Variants in GPX7 observed in about 807,000 individuals in gnomAD.
GPX7 encodes glutathione peroxidase 7, also known as protein peroxidase GPX7.
In GPX7, 21 loss-of-function variants were observed where a neutral mutation model predicts 23.7. The ratio of observed to expected loss-of-function variants is 0.89; its 90% CI spans 0.63 to 1.28. The LOEUF (loss-of-function observed/expected upper bound fraction) is 1.28. Among genes scored for constraint, GPX7 ranks in the 50% most tolerant of loss-of-function variants. The pLI is 0.00. For missense variants in GPX7, 238 were observed against 237.3 expected (o/e 1.00, Z -0.02); for synonymous variants, 112 against 101.8 (o/e 1.10, Z -0.61).
chr1:52,608,009 AC>A (rs1690873429), intron 2 of GPX7, among the ~76,000 whole-genome samples: 1 of 152,152 alleles, frequency 6.6e-6, no homozygotes, highest in Admixed American at 6.5e-5. Flanking sequence ...AGGATTTGAT[AC>A]CACTTTATCA....
intron 1 of GPX7, among the ~76,000 whole-genome samples, chr1:52,603,463 C>T (rs942424235): frequency 2.6e-5 from 4 of 152,044 alleles, no homozygotes; most frequent in African/African-American, 4.8e-5. Context: ...AGGGAGCAGG[C>T]GGGACCTTGA....
At chr1:52,606,226 G>A (rs1016520408) in intron 1 of GPX7, among the ~76,000 whole-genome samples, 7 of 152,148 alleles carry the variant, frequency 4.6e-5, no homozygotes, top group South Asian at 4.1e-4. Context: ...GCAGAGTGGC[G>A]AGTGCTAGCT....
At position 52,606,915 on chromosome 1, in the gene GPX7, G is replaced by T; in HGVS notation, c.370G>T (p.Gly124Cys). 6.2e-7 allele frequency: 1 copy of T among 1,614,204 alleles called. No homozygotes were observed. The highest frequency in any genetic ancestry group is 8.5e-7 in the Non-Finnish European group (1 of 1,180,022). Residue 124 changes from glycine to cysteine, a missense_variant, in exon 2 of 3, where the codon GGT becomes TGT. Transcript: ENST00000361314. ...TAGCAAGATTGCAGTCACCGGTACT[G>T]GTGCCCATCCTGCCTTCAAGTACCT... ...MFSKIAVTGTGAHPAFKYLAQ... is the reference protein window; with the variant it reads ...MFSKIAVTGTCAHPAFKYLAQ...
Position 52,608,619 on chromosome 1 carries a change from A to C in GPX7, c.*194A>C. 1 of 390,048 alleles carries C rather than the reference A, an allele frequency of 2.6e-6. No individual in the cohort carries two copies. 24.2% of individuals were successfully genotyped at this position (390,048 alleles called of 1,614,324 possible). A position where few individuals can be genotyped will look rare whatever the true frequency, so the allele number is the denominator to read the frequency against. ...TTGAATCTTACAGCAACAAATAGGA[A>C]CTCCTGGCCAATGAGAGCTCTTGAC... On this transcript the variant is annotated 3_prime_UTR_variant, in exon 3 of 3. Transcript: ENST00000361314.
intron 1 of GPX7, among the ~76,000 whole-genome samples, chr1:52,604,782 C>T (rs957224864): frequency 9.9e-5 from 15 of 152,126 alleles, no homozygotes; most frequent in African/African-American, 2.7e-4. Flanking sequence ...CAGTGGCTCA[C>T]GCCTGTAATC....
intron 1 of GPX7, among the ~76,000 whole-genome samples, chr1:52,603,259 A>G (rs1321919781): frequency 6.6e-6 from 1 of 151,670 alleles, no homozygotes; most frequent in African/African-American, 2.4e-5. Context: ...AGGGAATCTA[A>G]GCTCAGAGAA....
chr1:52,602,485 T>C lies in GPX7; in HGVS notation c.76T>C (p.Tyr26His). The change falls in exon 1 of 3, where the codon TAC (tyrosine) becomes CAC (histidine). Residue 26 changes from tyrosine to histidine, a missense_variant. Physicochemically the swap from Tyr to His is moderately conservative, Grantham distance 83. Coordinates refer to ENST00000361314, the MANE Select transcript of GPX7 (RefSeq NM_015696.5). The part of the protein sequence containing the change: ...AACAQQEQDF[Y>H]DFKAVNIRGK... Reference sequence around the variant, plus strand: ...CTGCGCGCAGCAGGAGCAGGACTTCTACGACTTCAAGGCGGTCAACATCCG... The same window carrying C: ...CTGCGCGCAGCAGGAGCAGGACTTCCACGACTTCAAGGCGGTCAACATCCG... 1 of 1,559,236 alleles carries C rather than the reference T, an allele frequency of 6.4e-7. No individual in the cohort carries two copies. The highest frequency in any genetic ancestry group is 8.6e-7 in the Non-Finnish European group (1 of 1,157,218).
In GPX7 at chr1:52,602,434, G is replaced by A. The variant is rs1690808543; in HGVS notation, c.25G>A (p.Ala9Thr). ...CATGGTGGCGGCGACGGTGGCAGCG[G>A]CGTGGCTGCTCCTGTGGGCTGCGGC... The part of the protein sequence containing the change: MVAATVAA[A>T]WLLLWAAACA... The change falls in exon 1 of 3, where the codon GCG (alanine) becomes ACG (threonine). Residue 9 changes from alanine to threonine, a missense_variant. Coordinates refer to ENST00000361314, the MANE Select transcript of GPX7 (RefSeq NM_015696.5). 6.6e-7 allele frequency: 1 copy of A among 1,523,088 alleles called. No homozygotes were observed. The highest frequency in any genetic ancestry group is 8.8e-7 in the Non-Finnish European group (1 of 1,139,078). 94.3% of individuals were successfully genotyped at this position (1,523,088 alleles called of 1,614,324 possible).
At chr1:52,605,952 A>G (rs1690848557) in intron 1 of GPX7, among the ~76,000 whole-genome samples, 1 of 152,194 alleles carries the variant, frequency 6.6e-6, no homozygotes, top group African/African-American at 2.4e-5. Context: ...TGATTATGCC[A>G]TTGCTCCAGC....
chr1:52,606,546 G>A, intron 1 of GPX7, 138 bp from the exon 2 acceptor site: 3 of 889,912 alleles, frequency 3.4e-6, no homozygotes, highest in East Asian at 2.6e-5. Flanking sequence ...TTACATATGT[G>A]TACACAGTGT....
intron 2 of GPX7, 70 bp from the exon 3 acceptor site, chr1:52,608,192 A>T: frequency 1.4e-6 from 2 of 1,414,312 alleles, no homozygotes; most frequent in East Asian, 2.3e-5. Flanking sequence ...GGAAAGATGG[A>T]CACTGAGAGT....
rs763386302 is a variant in GPX7 at position 52,608,452 on chromosome 1, C to G, written c.*27C>G. 1.3e-6 allele frequency: 2 copies of G among 1,576,624 alleles called. No homozygotes were observed. Among genetic ancestry groups the G allele is most frequent in the Non-Finnish European group, 1.7e-6 (2 of 1,161,972 alleles). On this transcript the variant is annotated 3_prime_UTR_variant, in exon 3 of 3. Coordinates refer to ENST00000361314, the MANE Select transcript of GPX7 (RefSeq NM_015696.5). Reference sequence around the variant, plus strand: ...CACCGCGTCTCCTCCTCCACCACCTCATCCCGCCCACCTGTGTGGGGCTGA... The same window carrying G: ...CACCGCGTCTCCTCCTCCACCACCTGATCCCGCCCACCTGTGTGGGGCTGA...
chr1:52,603,199 C>G (rs569358930), intron 1 of GPX7, among the ~76,000 whole-genome samples: 249 of 152,274 alleles, frequency 1.6e-3, no homozygotes, highest in Non-Finnish European at 2.8e-3. Flanking sequence ...GATGGCAGCT[C>G]AGGGGCACAC....
In GPX7 at chr1:52,602,719, C is replaced by A. The variant is rs1159572942; in HGVS notation, c.138+172C>A. On this transcript the variant is annotated intron_variant, in intron 1 of 2. Coordinates refer to ENST00000361314, the MANE Select transcript of GPX7 (RefSeq NM_015696.5). ...CTCGGCCGTGACCTCTGGCGCGGCG[C>A]CCCCATCCCGCGCCCGGCCCGGCCC... Among the ~76,000 whole-genome samples the A allele has an allele frequency of 3.3e-5, 5 of 150,976 alleles. No individual in the cohort carries two copies. In the South Asian group the frequency reaches 1.0e-3, roughly 31 times the overall value.
At position 52,608,960 on chromosome 1, in the gene GPX7, T is replaced by A. The variant is rs1478075989; in HGVS notation, c.*535T>A. The A allele has an allele frequency of 6.6e-6, 1 of 152,650 alleles. No homozygotes were observed. The highest frequency in any genetic ancestry group is 2.4e-5 in the African/African-American group (1 of 41,470). 9.5% of individuals were successfully genotyped at this position (152,650 alleles called of 1,614,324 possible). A position where few individuals can be genotyped will look rare whatever the true frequency, so the allele number is the denominator to read the frequency against. ...TTTAGTTGTTGTTATTTCCTCTGTA[T>A]TATTTTCTTCATTACAAAAGAAATG... On this transcript the variant is annotated 3_prime_UTR_variant, in exon 3 of 3. Transcript: ENST00000361314.
At chr1:52,606,976 C>A in intron 2 of GPX7, 31 bp downstream of exon 2, 1 of 1,604,006 alleles carries the variant, frequency 6.2e-7, no homozygotes, top group South Asian at 1.1e-5. Flanking sequence ...CCCCTCACAC[C>A]TCCCTTAGCT....
At chr1:52,602,730 CGCCCG>C (rs949594947) in intron 1 of GPX7, among the ~76,000 whole-genome samples, 183 bp downstream of exon 1, 2 of 151,140 alleles carry the variant, frequency 1.3e-5, no homozygotes, top group South Asian at 2.1e-4. Context: ...CCCCATCCCG[CGCCCG>C]GCCCGGCCCG....
intron 1 of GPX7, among the ~76,000 whole-genome samples, chr1:52,604,849 C>T (rs981257182): frequency 1.3e-5 from 2 of 151,928 alleles, no homozygotes; most frequent in African/African-American, 4.8e-5. Flanking sequence ...TCGAGGCTAG[C>T]CTGGCCAACA....
intron 2 of GPX7, chr1:52,607,282 G>T: frequency 3.3e-6 from 1 of 305,724 alleles, no homozygotes; most frequent in Non-Finnish European, 6.1e-6. Flanking sequence ...ATGAGTTTAT[G>T]GACATATGAT....
Sources: allele counts gnomAD v4.1 joint callset (sites outside exome capture counted in the v4.1 genomes callset), GRCh38; gene constraint gnomAD v4.1.1; transcripts MANE v1.5; gene names NCBI Gene and HGNC (gene_info 2026-07-23, HGNC 2026-07-21).